AGBL1: variants seen among roughly 807,000 people sequenced by gnomAD.
AGBL1 encodes cytosolic carboxypeptidase 4.
Under a neutral mutation model 118.9 loss-of-function variants are expected in AGBL1, and 130 were observed. The observed-to-expected ratio is 1.09, with a 90% confidence interval of 0.95 to 1.26. AGBL1 has a LOEUF of 1.26. Ranked by LOEUF, AGBL1 falls within the 50% of genes most tolerant of loss-of-function variation. AGBL1 has a pLI of 0.00. For missense variants in AGBL1, 1,584 were observed against 1,298.1 expected, an observed-to-expected ratio of 1.22 and a Z score of -3.38; for synonymous variants, 555 against 478.9, an observed-to-expected ratio of 1.16 and a Z score of -2.08.
At chr15:86,209,563 T>A (rs1288336697) in intron 5 of AGBL1, among the ~76,000 whole-genome samples, 1 of 152,210 alleles carries the variant, frequency 6.6e-6, no homozygotes, top group African/African-American at 2.4e-5. Flanking sequence ...TTTACCATTA[T>A]GCAATGGCCT....
chr15:86,262,889 T>C lies in AGBL1; in HGVS notation c.1081T>C (p.Phe361Leu). ...EVMCLELSYS[F>L]EELQSKLGDD... ...GATGTGTCTTGAGCTCTCCTATAGC[T>C]TTGAGGTAGGACATATGCTGTGGTT... The change falls in exon 10 of 23, where the codon TTT (phenylalanine) becomes CTT (leucine). Residue 361 changes from phenylalanine to leucine, a missense_variant. Coordinates refer to ENST00000614907, the MANE Select transcript of AGBL1 (RefSeq NM_001386094.1). The C allele has an allele frequency of 6.2e-7, 1 of 1,600,568 alleles. No individual in the cohort carries two copies. The highest frequency in any genetic ancestry group is 2.2e-5 in the East Asian group (1 of 44,694).
chr15:86,467,174 A>C (rs997771128), intron 18 of AGBL1, among the ~76,000 whole-genome samples: 2 of 152,098 alleles, frequency 1.3e-5, no homozygotes, highest in Non-Finnish European at 1.5e-5. Context: ...CCCTGCCCCG[A>C]GAGGAGGAAT....
chr15:86,946,146 C>G (rs1864028849), intron 23 of AGBL1: 1 of 152,128 alleles, frequency 6.6e-6, no homozygotes, highest in Non-Finnish European at 1.5e-5. Context: ...TAGGTTCATC[C>G]CGGGTCACTA....
intron 21 of AGBL1, among the ~76,000 whole-genome samples, chr15:86,600,183 G>A (rs903222658): frequency 2.6e-5 from 4 of 152,118 alleles, no homozygotes; most frequent in South Asian, 2.1e-4. Context: ...AAATAGGTTC[G>A]GAGGAAGTTA....
rs142701533 is a variant in AGBL1 at position 86,893,489 on chromosome 15, A to C, written c.3159-13598A>C. Among the ~76,000 whole-genome samples, 341 of 152,316 alleles carry C rather than the reference A, an allele frequency of 2.2e-3. 1 individual carries two copies. Among genetic ancestry groups the C allele is most frequent in the African/African-American group, 7.9e-3 (327 of 41,572 alleles). On this transcript the variant is annotated intron_variant, in intron 22 of 22. Coordinates refer to ENST00000614907, the MANE Select transcript of AGBL1 (RefSeq NM_001386094.1). ...TCCCAACCAAGAAAACAAACAAAAC[A>C]AAAAAAGCAGAACTAATTAAGATCG...
chr15:86,205,110 G>T (rs1207972905), intron 5 of AGBL1, among the ~76,000 whole-genome samples: 1 of 152,176 alleles, frequency 6.6e-6, no homozygotes, highest in Non-Finnish European at 1.5e-5. Flanking sequence ...TATGTTGGGG[G>T]TAATGTCATC....
chr15:86,179,343 C>G (rs929888870), intron 5 of AGBL1, among the ~76,000 whole-genome samples: 1 of 152,018 alleles, frequency 6.6e-6, no homozygotes, highest in Non-Finnish European at 1.5e-5. Flanking sequence ...AAATTGTTAT[C>G]GACAATATAT....
chr15:86,434,020 A>C (rs4316723), intron 18 of AGBL1, among the ~76,000 whole-genome samples: 101,788 of 152,150 alleles, frequency 0.67, 36,188 homozygotes, highest in African/African-American at 0.91. Context: ...TCTAGTTGAT[A>C]CAGCCAGTGG....
In AGBL1 at chr15:86,430,412, G is replaced by A. The variant is rs755560505; in HGVS notation, c.2555+32866G>A. ...CAGGAGGCTGAGGCAGTAGAATGGC[G>A]TGAACCCAGGAGGTGGAGCTTGCAG... On this transcript the variant is annotated intron_variant, in intron 18 of 22. Transcript: ENST00000614907. 6.6e-5 allele frequency among the ~76,000 whole-genome samples: 10 copies of A among 151,336 alleles called. No individual in the cohort carries two copies. In the East Asian group the frequency reaches 7.8e-4, roughly 12 times the overall value.
intron 22 of AGBL1, among the ~76,000 whole-genome samples, chr15:86,732,365 T>A (rs2077537386): frequency 6.6e-6 from 1 of 152,198 alleles, no homozygotes; most frequent in South Asian, 2.1e-4. Context: ...AAATTGAAAT[T>A]TCTTGTGATG....
chr15:86,564,137 G>T (rs1053143983), intron 21 of AGBL1, among the ~76,000 whole-genome samples: 1 of 152,100 alleles, frequency 6.6e-6, no homozygotes, highest in Admixed American at 6.5e-5. Flanking sequence ...TATATTTAAG[G>T]TTAATATTGT....
intron 18 of AGBL1, among the ~76,000 whole-genome samples, chr15:86,438,417 A>C (rs1411047465): frequency 2.0e-5 from 3 of 151,834 alleles, no homozygotes; most frequent in South Asian, 2.1e-4. Flanking sequence ...CTCTCTCTCT[A>C]CTCCTTAAAA....
chr15:86,902,643 C>T (rs2080226887), intron 22 of AGBL1, among the ~76,000 whole-genome samples: 1 of 152,084 alleles, frequency 6.6e-6, no homozygotes. Context: ...TTTTAAGTTT[C>T]CCTTCATTCT....
chr15:86,632,014 G>C (rs1183731721), intron 21 of AGBL1, among the ~76,000 whole-genome samples: 1 of 145,984 alleles, frequency 6.9e-6, no homozygotes, highest in African/African-American at 2.5e-5. Flanking sequence ...AGCCTAGGGA[G>C]ACCCTATTTC....
chr15:86,441,963 A>G (rs1206403302), intron 18 of AGBL1, among the ~76,000 whole-genome samples: 1 of 152,242 alleles, frequency 6.6e-6, no homozygotes, highest in African/African-American at 2.4e-5. Context: ...CTGTGTATCA[A>G]AGGGAAAGCT....
chr15:87,008,660 A>C (rs2081527419), intron 24 of AGBL1, among the ~76,000 whole-genome samples: 1 of 152,202 alleles, frequency 6.6e-6, no homozygotes, highest in Admixed American at 6.5e-5. Flanking sequence ...AATGTGGAAA[A>C]GTTTGAAACC....
chr15:86,306,062 G>GGTGC (rs2079835717), intron 17 of AGBL1, among the ~76,000 whole-genome samples: 1 of 150,558 alleles, frequency 6.6e-6, no homozygotes, highest in African/African-American at 2.4e-5. Context: ...ATATATTTAC[G>GGTGC]GTGCACATGA....
chr15:86,772,093 T>A (rs1364522991), intron 22 of AGBL1, among the ~76,000 whole-genome samples: 1 of 152,040 alleles, frequency 6.6e-6, no homozygotes, highest in Non-Finnish European at 1.5e-5. Flanking sequence ...GGGAGGTCAC[T>A]GTAGTGGTCT....
At chr15:86,718,815 C>A (rs1055796867) in intron 22 of AGBL1, among the ~76,000 whole-genome samples, 3 of 152,060 alleles carry the variant, frequency 2.0e-5, no homozygotes, top group Non-Finnish European at 2.9e-5. Flanking sequence ...TAAACAGAAA[C>A]AAATGAAGTA....
Sources: gnomAD v4.1 joint callset for allele counts (sites outside exome capture counted in the v4.1 genomes callset) on GRCh38, gnomAD v4.1.1 for gene constraint, MANE v1.5 for transcripts, NCBI Gene and HGNC (gene_info 2026-07-23, HGNC 2026-07-21) for gene names.